CDH13: variants seen among roughly 807,000 people sequenced by gnomAD.
CDH13 encodes cadherin-13.
In CDH13, 24 loss-of-function variants were observed where a neutral mutation model predicts 63.8. That is an observed-to-expected ratio of 0.38 (90% CI 0.27 to 0.53). The LOEUF (loss-of-function observed/expected upper bound fraction) is 0.53. Ranked by LOEUF, CDH13 falls within the 20% of genes least tolerant of loss-of-function variation. CDH13 has a pLI of 0.85. For missense variants in CDH13, 1,049 were observed against 903.1 expected (o/e 1.16, Z -2.07); for synonymous variants, 503 against 355.3 (o/e 1.42, Z -4.67).
intron 2 of CDH13, among the ~76,000 whole-genome samples, chr16:83,003,536 A>C (rs1423177041): frequency 1.3e-5 from 2 of 152,200 alleles, no homozygotes; most frequent in African/African-American, 4.8e-5. Flanking sequence ...AAAGCAAACA[A>C]AGAAGGAGCT....
chr16:82,636,723 C>G (rs1053937357), intron 1 of CDH13, among the ~76,000 whole-genome samples: 1 of 152,308 alleles, frequency 6.6e-6, no homozygotes, highest in Non-Finnish European at 1.5e-5. Context: ...TGTTTAACAA[C>G]TGGGCCACTC....
chr16:83,230,699 A>G (rs1238179542), intron 5 of CDH13, among the ~76,000 whole-genome samples: 1 of 152,154 alleles, frequency 6.6e-6, no homozygotes, highest in Non-Finnish European at 1.5e-5. Context: ...AGGCAGGAGA[A>G]TCGTTTGAAC....
At chr16:82,914,390 C>T (rs140068746) in intron 2 of CDH13, among the ~76,000 whole-genome samples, 1 of 152,098 alleles carries the variant, frequency 6.6e-6, no homozygotes, top group Non-Finnish European at 1.5e-5. Flanking sequence ...AAAAATGAGC[C>T]TACGTTCAGC....
At chr16:83,359,765 A>G (rs2091126930) in intron 6 of CDH13, among the ~76,000 whole-genome samples, 1 of 151,910 alleles carries the variant, frequency 6.6e-6, no homozygotes, top group Non-Finnish European at 1.5e-5. Context: ...TCTCTCTCTC[A>G]CTCTTTCTCA....
In CDH13 at chr16:83,502,780, A is replaced by G. The variant is rs750693068; in HGVS notation, c.960+16125A>G. Among the ~76,000 whole-genome samples, 10 of 152,178 alleles carry G rather than the reference A, an allele frequency of 6.6e-5. 1 individual carries two copies. The highest frequency in any genetic ancestry group is 8.8e-5 in the Non-Finnish European group (6 of 68,040). On this transcript the variant is annotated intron_variant, in intron 7 of 13. Coordinates refer to ENST00000567109, the MANE Select transcript of CDH13 (RefSeq NM_001257.5). ...CTCTTGACCAATAGTAGCTGGTGTT[A>G]CCAATAATAAAATAATGGTGAGACT...
chr16:82,759,743 C>T (rs1004128903), intron 1 of CDH13, among the ~76,000 whole-genome samples: 3 of 152,000 alleles, frequency 2.0e-5, no homozygotes, highest in Admixed American at 1.3e-4. Flanking sequence ...AGAGAATGGT[C>T]TATAGAATTC....
At chr16:83,580,448 T>TC in intron 7 of CDH13, among the ~76,000 whole-genome samples, 1 of 76,368 alleles carries the variant, frequency 1.3e-5, no homozygotes, top group Non-Finnish European at 2.6e-5. Context: ...TTCTGTTCAT[T>TC]TCTCTCTCTC....
chr16:82,974,007 C>A (rs1296089023), intron 2 of CDH13, among the ~76,000 whole-genome samples: 1 of 152,184 alleles, frequency 6.6e-6, no homozygotes, highest in Non-Finnish European at 1.5e-5. Flanking sequence ...GCAACCTCTG[C>A]CTCCCCGGTT....
chr16:83,549,408 G>C (rs1043060307), intron 7 of CDH13, among the ~76,000 whole-genome samples: 2 of 152,180 alleles, frequency 1.3e-5, no homozygotes, highest in African/African-American at 4.8e-5. Context: ...AAATTAAGTT[G>C]TGTGCAAGCT....
intron 5 of CDH13, among the ~76,000 whole-genome samples, chr16:83,243,239 C>G (rs1434633897): frequency 6.6e-6 from 1 of 152,172 alleles, no homozygotes; most frequent in African/African-American, 2.4e-5. Context: ...AAAAACATAC[C>G]TGCGACTGGG....
chr16:83,091,892 A>G (rs1310744993), intron 3 of CDH13, among the ~76,000 whole-genome samples: 1 of 152,242 alleles, frequency 6.6e-6, no homozygotes, highest in Admixed American at 6.5e-5. Flanking sequence ...GTGATTCATA[A>G]GTATTTTAAG....
intron 6 of CDH13, among the ~76,000 whole-genome samples, chr16:83,358,060 C>G (rs547215878): frequency 6.6e-6 from 1 of 152,162 alleles, no homozygotes; most frequent in Non-Finnish European, 1.5e-5. Flanking sequence ...AACAAACTGT[C>G]CAGCAGAGCA....
intron 7 of CDH13, among the ~76,000 whole-genome samples, chr16:83,591,449 A>T (rs1201752991): frequency 6.6e-6 from 1 of 152,180 alleles, no homozygotes; most frequent in Non-Finnish European, 1.5e-5. Flanking sequence ...TGCTCCTGGG[A>T]TTCACTCTGT....
Position 83,436,042 on chromosome 16 carries a change from G to A in CDH13, c.782-50435G>A, listed in dbSNP as rs900582321. Among the ~76,000 whole-genome samples the A allele has an allele frequency of 3.3e-5, 5 of 152,274 alleles. No individual in the cohort carries two copies. The East Asian group carries it at 5.8e-4, about 18-fold the overall frequency. Reference sequence around the variant, plus strand: ...GTCATGACTCAGGGATGCTAGTGGCGTCTCGCAGGTCAAGGCCAGGAGTGC... The same window carrying A: ...GTCATGACTCAGGGATGCTAGTGGCATCTCGCAGGTCAAGGCCAGGAGTGC... On this transcript the variant is annotated intron_variant, in intron 6 of 13. Coordinates refer to ENST00000567109, the MANE Select transcript of CDH13 (RefSeq NM_001257.5).
intron 5 of CDH13, among the ~76,000 whole-genome samples, chr16:83,308,333 G>T (rs2089925388): frequency 6.6e-6 from 1 of 152,152 alleles, no homozygotes; most frequent in African/African-American, 2.4e-5. Context: ...GGAAAAATTT[G>T]CTAGTTGATC....
chr16:82,865,060 A>T (rs140931728), intron 2 of CDH13, among the ~76,000 whole-genome samples: 1 of 152,336 alleles, frequency 6.6e-6, no homozygotes, highest in East Asian at 1.9e-4. Context: ...TGTGTCTCAC[A>T]TACAGGTCAC....
intron 3 of CDH13, among the ~76,000 whole-genome samples, chr16:83,067,812 C>A (rs190246015): frequency 6.6e-6 from 1 of 152,170 alleles, no homozygotes; most frequent in South Asian, 2.1e-4. Flanking sequence ...GCCTGCTGTT[C>A]CTGCCCCTCT....
intron 6 of CDH13, among the ~76,000 whole-genome samples, chr16:83,451,782 T>C (rs2072893699): frequency 6.6e-6 from 1 of 152,252 alleles, no homozygotes; most frequent in Non-Finnish European, 1.5e-5. Flanking sequence ...CCTCGCAAAG[T>C]GCTGGCATTA....
chr16:83,729,503 C>G (rs868288406), intron 10 of CDH13, among the ~76,000 whole-genome samples: 11 of 152,190 alleles, frequency 7.2e-5, no homozygotes, highest in African/African-American at 2.2e-4. Context: ...CCAGATACCA[C>G]TACTCCTAAG....
Sources: allele counts gnomAD v4.1 joint callset (sites outside exome capture counted in the v4.1 genomes callset), GRCh38; gene constraint gnomAD v4.1.1; transcripts MANE v1.5; gene names NCBI Gene and HGNC (gene_info 2026-07-23, HGNC 2026-07-21).